Variants in FRMPD4 observed in about 807,000 individuals in gnomAD.
FRMPD4 encodes the protein FERM and PDZ domain-containing protein 4.
A neutral mutation model predicts 94.1 loss-of-function variants in FRMPD4; 22 were observed. The ratio of observed to expected loss-of-function variants is 0.23; its 90% CI spans 0.17 to 0.33. FRMPD4 has a LOEUF of 0.33. Ranked by LOEUF, FRMPD4 falls within the 10% of genes least tolerant of loss-of-function variation. FRMPD4 has a pLI of 1.00. For synonymous variants in FRMPD4, 631 were observed against 548.6 expected (o/e 1.15, Z -2.10); for missense variants, 1,111 against 1,339.9 (o/e 0.83, Z 2.67).
In FRMPD4 at chrX:12,487,382, A is replaced by T. The variant is rs1602014313; in HGVS notation, c.42-11298A>T. On this transcript the variant is annotated intron_variant, in intron 1 of 16. Transcript: ENST00000675598. Reference sequence around the variant, plus strand: ...ATAAATAAGTGCAGAGTGATATTGGATGGGAAGTATCTGCAAATTGGTTTC... The same window carrying T: ...ATAAATAAGTGCAGAGTGATATTGGTTGGGAAGTATCTGCAAATTGGTTTC... 4.4e-5 allele frequency among the ~76,000 whole-genome samples: 5 copies of T among 112,413 alleles called. 1 individual carries two copies. In the Admixed American group the frequency reaches 4.7e-4, roughly 11 times the overall value.
chrX:12,165,105 T>C (rs2056092035), intron 1 of FRMPD4, among the ~76,000 whole-genome samples: 1 of 111,614 alleles, frequency 9.0e-6, no homozygotes, highest in Non-Finnish European at 1.9e-5. Context: ...TTTGGTGTTT[T>C]AGACATGAAG....
intron 8 of FRMPD4, among the ~76,000 whole-genome samples, chrX:12,691,543 T>C (rs768586853): frequency 2.7e-5 from 3 of 111,535 alleles, no homozygotes; most frequent in South Asian, 3.8e-4. Flanking sequence ...AAAGGACTTA[T>C]TTTATGCTTC....
chrX:12,463,681 G>GTTTTTTTTTTTTT lies in FRMPD4; in HGVS notation c.42-34989_42-34988insTTTTTTTTTTTTT, dbSNP rs764684007. Among the ~76,000 whole-genome samples, 6 of 51,037 alleles carry GTTTTTTTTTTTTT rather than the reference G, an allele frequency of 1.2e-4. 2 individuals carry two copies. Among genetic ancestry groups the GTTTTTTTTTTTTT allele is most frequent in the Admixed American group, 5.2e-4 (2 of 3,856 alleles). 44.3% of individuals were successfully genotyped at this position (51,037 alleles called of 115,157 possible). A position where few individuals can be genotyped will look rare whatever the true frequency, so the allele number is the denominator to read the frequency against. ...GGGTGCCTGTGCCTCCTATGTGTGTGTTTTTTTTTTGTTTTTGTTTTTTTT... is the reference window on the plus strand; with the variant it reads ...GGGTGCCTGTGCCTCCTATGTGTGTGTTTTTTTTTTTTTTTTTTTTTTTGTTTTTGTTTTTTTT... On this transcript the variant is annotated intron_variant, in intron 1 of 16. Transcript: ENST00000675598.
At chrX:12,229,042 C>T (rs745509990) in intron 1 of FRMPD4, among the ~76,000 whole-genome samples, 95 of 112,016 alleles carry the variant, frequency 8.5e-4, no homozygotes, top group Non-Finnish European at 1.6e-3. Context: ...AAAATTTATA[C>T]GTGAAAGCTT....
intron 1 of FRMPD4, among the ~76,000 whole-genome samples, chrX:12,365,739 G>C (rs1338076216): frequency 8.9e-6 from 1 of 112,195 alleles, no homozygotes; most frequent in Non-Finnish European, 1.9e-5. Flanking sequence ...CCTGCCACCA[G>C]GGCAGGGGCA....
intron 2 of FRMPD4, among the ~76,000 whole-genome samples, chrX:12,588,894 C>T (rs2058957370): frequency 8.9e-6 from 1 of 111,954 alleles, no homozygotes; most frequent in Non-Finnish European, 1.9e-5. Context: ...AAATAGAAAA[C>T]CAAACACATA....
At chrX:12,715,900 A>C (rs2042068526) in intron 14 of FRMPD4, among the ~76,000 whole-genome samples, 169 bp from the exon 15 acceptor site, 1 of 111,966 alleles carries the variant, frequency 8.9e-6, no homozygotes, top group South Asian at 3.8e-4. Flanking sequence ...GAATTCTTAC[A>C]CCTGAAGCCT....
At chrX:11,962,536 T>G (rs1420046905) in intron 3 of FRMPD4, among the ~76,000 whole-genome samples, 1 of 112,028 alleles carries the variant, frequency 8.9e-6, no homozygotes, top group Admixed American at 9.4e-5. Context: ...AGCTGATGTC[T>G]CTGGGACCAA....
rs754021867 is a variant in FRMPD4, at chrX:11,890,213, AGTTT to A, written c.95+12200_95+12203del. On this transcript the variant is annotated intron_variant, in intron 3 of 18. Coordinates refer to the FRMPD4 transcript ENST00000640291. Reference sequence around the variant, plus strand: ...AAATCAAAGTTTAGAGAAGTGAAATAGTTTGTTTAAGGTACCACAGCTGGTTTTC... The same window carrying A: ...AAATCAAAGTTTAGAGAAGTGAAATAGTTTAAGGTACCACAGCTGGTTTTC... Among the ~76,000 whole-genome samples, 8 of 112,703 alleles carry A rather than the reference AGTTT, an allele frequency of 7.1e-5. No individual in the cohort carries two copies. The East Asian group carries it at 2.2e-3, about 31-fold the overall frequency.
At chrX:12,169,154 T>A (rs2056178166) in intron 1 of FRMPD4, among the ~76,000 whole-genome samples, 2 of 112,002 alleles carry the variant, frequency 1.8e-5, no homozygotes, top group Admixed American at 1.9e-4. Context: ...AAAATAGATG[T>A]AAGTAAACAG....
intron 2 of FRMPD4, among the ~76,000 whole-genome samples, chrX:12,539,681 T>C (rs2058382530): frequency 9.1e-6 from 1 of 110,032 alleles, no homozygotes; most frequent in South Asian, 3.9e-4. Flanking sequence ...TTGCCCAGGC[T>C]GGAGTGCAAT....
At chrX:11,941,674 T>A (rs2054160714) in intron 3 of FRMPD4, among the ~76,000 whole-genome samples, 1 of 112,404 alleles carries the variant, frequency 8.9e-6, no homozygotes. Context: ...TTTGAAGAAA[T>A]CCGGTCGGCT....
intron 3 of FRMPD4, among the ~76,000 whole-genome samples, chrX:11,933,219 A>G (rs2054131763): frequency 8.9e-6 from 1 of 112,040 alleles, no homozygotes; most frequent in Non-Finnish European, 1.9e-5. Context: ...TTCCAGATTG[A>G]CCTCATTATT....
intron 1 of FRMPD4, among the ~76,000 whole-genome samples, chrX:12,263,012 T>C (rs1487305686): frequency 9.0e-6 from 1 of 111,703 alleles, no homozygotes; most frequent in African/African-American, 3.3e-5. Context: ...TTTGAAGACC[T>C]AGGAGCCTTA....
chrX:12,302,441 T>C (rs1407005112), intron 1 of FRMPD4, among the ~76,000 whole-genome samples: 1 of 112,129 alleles, frequency 8.9e-6, no homozygotes, highest in African/African-American at 3.2e-5. Flanking sequence ...CTTAAGCATA[T>C]AGCATACAAT....
At chrX:11,987,097 T>TCAAAAAAAAAA (rs1569137639) in intron 3 of FRMPD4, among the ~76,000 whole-genome samples, 11 of 14,649 alleles carry the variant, frequency 7.5e-4, no homozygotes, top group African/African-American at 5.2e-3. Flanking sequence ...CAAAGACACA[T>TCAAAAAAAAAA]TAAAAAAAAA....
chrX:12,282,065 G>A (rs1444653696), intron 1 of FRMPD4, among the ~76,000 whole-genome samples: 2 of 112,344 alleles, frequency 1.8e-5, no homozygotes, highest in African/African-American at 6.5e-5. Flanking sequence ...AAATTAAGAG[G>A]TCTGAAGGAT....
rs370738833 is a variant in FRMPD4 at position 11,876,025 on chromosome X, A to G, written c.-29-1870A>G. On this transcript the variant is annotated intron_variant, in intron 2 of 18. Coordinates refer to the FRMPD4 transcript ENST00000640291. ...GGAGTAGCTGGGACTACAGGCACCC[A>G]CCACCATGCCCGGCTAATTTTTGTA... 6.5e-3 allele frequency among the ~76,000 whole-genome samples: 705 copies of G among 108,559 alleles called. 15 individuals are homozygous for G. The highest frequency in any genetic ancestry group is 0.023 in the African/African-American group (675 of 29,300). 94.3% of individuals were successfully genotyped at this position (108,559 alleles called of 115,157 possible).
At chrX:12,545,883 C>A (rs2058469368) in intron 2 of FRMPD4, among the ~76,000 whole-genome samples, 1 of 112,866 alleles carries the variant, frequency 8.9e-6, no homozygotes, top group Admixed American at 9.3e-5. Flanking sequence ...ATGTCCCAAC[C>A]AGCAGCTCAT....
Sources: allele counts gnomAD v4.1 joint callset (sites outside exome capture counted in the v4.1 genomes callset), GRCh38; gene constraint gnomAD v4.1.1; transcripts MANE v1.5; gene names NCBI Gene and HGNC (gene_info 2026-07-23, HGNC 2026-07-21).